IFT27: variants seen among roughly 807,000 people sequenced by gnomAD.
IFT27 encodes the protein intraflagellar transport 27.
A neutral mutation model predicts 23.9 loss-of-function variants in IFT27; 19 were observed. That is an observed-to-expected ratio of 0.79 (90% CI 0.55 to 1.16). The LOEUF (loss-of-function observed/expected upper bound fraction) is 1.16, where lower values mean the gene tolerates loss of function less well. Among genes scored for constraint, IFT27 ranks in the 50% most tolerant of loss-of-function variants. The probability of loss-of-function intolerance (pLI) is 0.00; values close to 1 mark genes in which losing one functional copy is unlikely to be tolerated. For synonymous variants in IFT27, 91 were observed against 89.1 expected (o/e 1.02, Z -0.12); for missense variants, 206 against 228.7 (o/e 0.90, Z 0.64).
At chr22:36,774,694 C>A (rs1050684406) in intron 1 of IFT27, among the ~76,000 whole-genome samples, 1 of 152,178 alleles carries the variant, frequency 6.6e-6, no homozygotes, top group Admixed American at 6.5e-5. Flanking sequence ...CGCCTGTAAT[C>A]CCAGCTACTT....
At chr22:36,766,864 C>T (rs1938262962) in intron 3 of IFT27, among the ~76,000 whole-genome samples, 1 of 152,118 alleles carries the variant, frequency 6.6e-6, no homozygotes, top group Admixed American at 6.5e-5. Flanking sequence ...ACATCAGCAC[C>T]ATTGTCTGTT....
intron 1 of IFT27, chr22:36,768,294 T>C: frequency 2.8e-6 from 1 of 353,154 alleles, no homozygotes; most frequent in South Asian, 2.1e-5. Flanking sequence ...CAACCTGGGT[T>C]GACAGCTTCC....
intron 6 of IFT27, chr22:36,759,769 G>T (rs978047973): frequency 1.3e-5 from 2 of 152,180 alleles, no homozygotes; most frequent in Non-Finnish European, 2.9e-5. Context: ...CATCAAGCGC[G>T]GTGCCTTCGC....
intron 1 of IFT27, among the ~76,000 whole-genome samples, chr22:36,768,748 T>C (rs1299266947): frequency 6.6e-6 from 1 of 152,224 alleles, no homozygotes; most frequent in Non-Finnish European, 1.5e-5. Flanking sequence ...TTCCCTCTCA[T>C]GGCTCTGCTG....
intron 6 of IFT27, chr22:36,759,756 A>C (rs1938029747): frequency 6.6e-6 from 1 of 152,250 alleles, no homozygotes; most frequent in Admixed American, 6.5e-5. Context: ...ACGTTGCAGA[A>C]GGCATCAAGC....
At chr22:36,772,503 T>C in intron 1 of IFT27, 2 of 985,394 alleles carry the variant, frequency 2.0e-6, no homozygotes, top group Non-Finnish European at 1.2e-6. Context: ...CAGATCAATG[T>C]CAAATGTTGT....
At chr22:36,760,832 C>T (rs7287286) in intron 6 of IFT27, 2 of 167,134 alleles carry the variant, frequency 1.2e-5, no homozygotes, top group African/African-American at 4.8e-5. Flanking sequence ...TACTTCCCCA[C>T]TCCTCGCTTG....
At chr22:36,773,157 C>A (rs1322795571) in intron 1 of IFT27, among the ~76,000 whole-genome samples, 1 of 151,380 alleles carries the variant, frequency 6.6e-6, no homozygotes, top group Non-Finnish European at 1.5e-5. Flanking sequence ...GTCTGGAGTT[C>A]AAGACCAGCC....
intron 5 of IFT27, 52 bp downstream of exon 5, chr22:36,763,867 G>T (rs1455600440): frequency 1.5e-6 from 2 of 1,328,414 alleles, no homozygotes; most frequent in Non-Finnish European, 2.2e-6. Flanking sequence ...TTGTGCTCTT[G>T]AACCAAAGGA....
intron 1 of IFT27, among the ~76,000 whole-genome samples, chr22:36,774,517 C>T (rs1033218516): frequency 1.4e-4 from 22 of 152,146 alleles, no homozygotes; most frequent in African/African-American, 5.3e-4. Context: ...TCAGAACAAT[C>T]CAGTACCTGG....
chr22:36,764,178 C>T, intron 4 of IFT27, 142 bp from the exon 5 acceptor site: 1 of 676,522 alleles, frequency 1.5e-6, no homozygotes, highest in Admixed American at 2.2e-5. Flanking sequence ...CCCAGATGTC[C>T]AACAATTTCC....
intron 4 of IFT27, among the ~76,000 whole-genome samples, chr22:36,765,835 G>A (rs74936403): frequency 0.011 from 1,732 of 152,290 alleles, 48 homozygotes; most frequent in African/African-American, 0.039. Context: ...CATCTGAAAG[G>A]ACAGTGTTGC....
intron 1 of IFT27, 110 bp downstream of exon 1, chr22:36,775,564 G>C (rs1023926309): frequency 2.6e-6 from 3 of 1,152,628 alleles, no homozygotes; most frequent in South Asian, 2.5e-5. Context: ...TCGCCTTTGG[G>C]AGAGAGAAAG....
chr22:36,762,940 C>A lies in IFT27; in HGVS notation c.426G>T (p.Ala142=), dbSNP rs574724394. 6 of 1,594,036 alleles carry A rather than the reference C, an allele frequency of 3.8e-6. No homozygotes were observed. The highest frequency in any genetic ancestry group is 5.1e-6 in the Non-Finnish European group (6 of 1,167,140). The part of the protein sequence containing the change: ...AVDSAEARAW[A]LGQGLECFET... ...CAAAACATTCCAGGCCCTGGCCCAG[C>A]GCCCATGCCCGGGCCTCAGCTGAGT... The change falls in exon 6 of 7, where the codon GCG becomes GCT. Residue 142 remains alanine (A), a synonymous_variant. Coordinates refer to ENST00000433985, the MANE Select transcript of IFT27 (RefSeq NM_001177701.3).
At chr22:36,768,010 C>T (rs768765513) in intron 1 of IFT27, 148 bp from the exon 2 acceptor site, 25 of 753,278 alleles carry the variant, frequency 3.3e-5, no homozygotes, top group South Asian at 1.6e-4. Flanking sequence ...TCTGAGGCCG[C>T]GGGCAGGGCA....
At chr22:36,768,129 G>C in intron 1 of IFT27, 1 of 584,332 alleles carries the variant, frequency 1.7e-6, no homozygotes, top group Non-Finnish European at 3.3e-6. Context: ...AACTTACAGA[G>C]GGCTTTGGGG....
intron 5 of IFT27, chr22:36,763,431 T>G (rs938448378): frequency 4.9e-5 from 13 of 266,944 alleles, no homozygotes; most frequent in African/African-American, 2.7e-4. Context: ...TTAGTTCAGC[T>G]CCCAGCTGCA....
chr22:36,766,797 C>T, intron 3 of IFT27, among the ~76,000 whole-genome samples: 1 of 152,276 alleles, frequency 6.6e-6, no homozygotes, highest in East Asian at 1.9e-4. Flanking sequence ...CCACAAGCTC[C>T]CTCCTGGCAC....
chr22:36,774,564 T>C lies in IFT27; in HGVS notation c.34+1110A>G, dbSNP rs141636863. Among the ~76,000 whole-genome samples, 188 of 152,220 alleles carry C rather than the reference T, an allele frequency of 1.2e-3. 1 individual carries two copies. Among genetic ancestry groups the C allele is most frequent in the African/African-American group, 3.8e-3 (159 of 41,520 alleles). Reference sequence around the variant, plus strand: ...GGCTCATGCCTGTAATCCCAGCACTTTGGGAGGCCGAGGTGGGTGGATCAC... The same window carrying C: ...GGCTCATGCCTGTAATCCCAGCACTCTGGGAGGCCGAGGTGGGTGGATCAC... On this transcript the variant is annotated intron_variant, in intron 1 of 6. Coordinates refer to ENST00000433985, the MANE Select transcript of IFT27 (RefSeq NM_001177701.3).
Sources: gnomAD v4.1 joint callset for allele counts (sites outside exome capture counted in the v4.1 genomes callset) on GRCh38, gnomAD v4.1.1 for gene constraint, MANE v1.5 for transcripts, NCBI Gene and HGNC (gene_info 2026-07-23, HGNC 2026-07-21) for gene names.